PAK3: variants seen among roughly 807,000 people sequenced by gnomAD.
PAK3 encodes p21 (RAC1) activated kinase 3.
A neutral mutation model predicts 41.0 loss-of-function variants in PAK3; 4 were observed. That is an observed-to-expected ratio of 0.10 (90% CI 0.05 to 0.22). The LOEUF is 0.22. Among genes scored for constraint, PAK3 ranks in the 10% least tolerant of loss-of-function variants. The pLI is 1.00. For missense variants in PAK3, 205 were observed against 409.9 expected (o/e 0.50, Z 4.32); for synonymous variants, 146 against 139.6 (o/e 1.05, Z -0.32).
At chrX:111,217,173 C>A in intron 17 of PAK3, 1 of 318,790 alleles carries the variant, frequency 3.1e-6, no homozygotes, top group Non-Finnish European at 4.1e-6. Context: ...GCATTATTAT[C>A]CCATTTTATA....
intron 1 of PAK3, among the ~76,000 whole-genome samples, chrX:111,067,951 T>G (rs1029781690): frequency 1.8e-5 from 2 of 111,627 alleles, no homozygotes; most frequent in Non-Finnish European, 3.8e-5. Context: ...CATAAAATGT[T>G]TAGCCTTTCA....
chrX:111,044,698 A>T (rs187092272), intron 1 of PAK3, among the ~76,000 whole-genome samples: 25 of 112,397 alleles, frequency 2.2e-4, no homozygotes, highest in Admixed American at 2.2e-3. Context: ...CCTCAGGTGC[A>T]GCTTTAGAGA....
chrX:111,097,297 G>T (rs1422784161), intron 1 of PAK3, 93 bp from the exon 2 acceptor site: 2 of 106,759 alleles, frequency 1.9e-5, no homozygotes, highest in African/African-American at 6.9e-5. Flanking sequence ...GGGGTGGGGT[G>T]GGGTGGGGGA....
At chrX:110,950,227 T>TC (rs1046184263) in intron 1 of PAK3, among the ~76,000 whole-genome samples, 8 of 111,936 alleles carry the variant, frequency 7.1e-5, no homozygotes, top group Non-Finnish European at 9.4e-5. Context: ...CCAACACTGA[T>TC]CCCCCACCAT....
intron 6 of PAK3, among the ~76,000 whole-genome samples, chrX:111,142,886 G>A (rs2093891834): frequency 9.1e-6 from 1 of 110,467 alleles, no homozygotes; most frequent in South Asian, 3.8e-4. Flanking sequence ...TATAGATCAA[G>A]CCTTTTGCTG....
chrX:110,968,010 C>T (rs1229491650), intron 1 of PAK3, among the ~76,000 whole-genome samples: 1 of 112,431 alleles, frequency 8.9e-6, no homozygotes, highest in East Asian at 2.8e-4. Context: ...TTACCCTTGG[C>T]AACCACTAAT....
intron 1 of PAK3, among the ~76,000 whole-genome samples, chrX:110,990,643 T>TAA (rs374554182): frequency 3.0e-5 from 3 of 99,271 alleles, no homozygotes; most frequent in South Asian, 4.6e-4. Flanking sequence ...TGGCAGGAGT[T>TAA]AAAAAAAAAA....
chrX:111,028,739 C>T (rs1324285811), intron 1 of PAK3, among the ~76,000 whole-genome samples: 2 of 111,634 alleles, frequency 1.8e-5, no homozygotes, highest in African/African-American at 6.5e-5. Context: ...ATTTAATTTT[C>T]ACAACCACCT....
chrX:111,102,756 T>G (rs2093168674), intron 3 of PAK3, among the ~76,000 whole-genome samples: 1 of 112,044 alleles, frequency 8.9e-6, no homozygotes, highest in Non-Finnish European at 1.9e-5. Context: ...TCTGTCCTAT[T>G]TGATTTAGTT....
At chrX:111,085,718 A>G (rs760648533) in intron 1 of PAK3, among the ~76,000 whole-genome samples, 1 of 111,732 alleles carries the variant, frequency 8.9e-6, no homozygotes, top group African/African-American at 3.3e-5. Flanking sequence ...TGGTGTCTAC[A>G]TTTTCACCTC....
intron 8 of PAK3, among the ~76,000 whole-genome samples, chrX:111,155,128 T>A (rs1359040578): frequency 5.4e-5 from 6 of 111,583 alleles, no homozygotes; most frequent in Non-Finnish European, 1.9e-5. Flanking sequence ...ATTTACCAAC[T>A]GCCTCCTTAT....
At chrX:111,046,469 T>C (rs954088468) in intron 1 of PAK3, among the ~76,000 whole-genome samples, 3 of 111,792 alleles carry the variant, frequency 2.7e-5, no homozygotes, top group Non-Finnish European at 5.6e-5. Flanking sequence ...ATATACTTGT[T>C]GTGAGGATAC....
chrX:111,110,184 A>G (rs912584552), intron 4 of PAK3, among the ~76,000 whole-genome samples: 3 of 112,548 alleles, frequency 2.7e-5, no homozygotes, highest in Admixed American at 9.4e-5. Context: ...GTAAACATCT[A>G]TTGGTAGAAT....
At chrX:111,118,347 A>G (rs780948423) in intron 4 of PAK3, among the ~76,000 whole-genome samples, 18 of 111,550 alleles carry the variant, frequency 1.6e-4, no homozygotes, top group African/African-American at 5.9e-4. Flanking sequence ...CTGAAAGCTC[A>G]GCTAGCCATC....
chrX:111,080,612 A>G (rs1411335606), intron 1 of PAK3, among the ~76,000 whole-genome samples: 1 of 111,951 alleles, frequency 8.9e-6, no homozygotes, highest in African/African-American at 3.2e-5. Flanking sequence ...ATATCTCCAA[A>G]GTATACCTGT....
At chrX:111,142,463 T>C (rs778757146) in intron 6 of PAK3, among the ~76,000 whole-genome samples, 1 of 112,179 alleles carries the variant, frequency 8.9e-6, no homozygotes, top group Non-Finnish European at 1.9e-5. Context: ...GCACAGAAGA[T>C]GTACTCCTGG....
intron 1 of PAK3, among the ~76,000 whole-genome samples, chrX:110,986,283 C>A (rs186199796): frequency 8.9e-6 from 1 of 111,806 alleles, no homozygotes; most frequent in Admixed American, 9.5e-5. Context: ...CTCTACAGGG[C>A]TGAAACCTTA....
chrX:111,170,213 A>G lies in PAK3; in HGVS notation c.767-2805A>G, dbSNP rs111973282. Reference sequence around the variant, plus strand: ...ACGTGGTAAGTGAAAGTAAGAGTCAATGATGACTTGCAGATTTCTGACTCA... The same window carrying G: ...ACGTGGTAAGTGAAAGTAAGAGTCAGTGATGACTTGCAGATTTCTGACTCA... On this transcript the variant is annotated intron_variant, in intron 10 of 17. Coordinates refer to ENST00000372007, the MANE Select transcript of PAK3 (RefSeq NM_002578.5). 5.9e-3 allele frequency among the ~76,000 whole-genome samples: 654 copies of G among 111,656 alleles called. 7 individuals are homozygous for G. The highest frequency in any genetic ancestry group is 0.019 in the African/African-American group (590 of 30,698).
chrX:111,069,398 G>A (rs1432832192), intron 1 of PAK3, among the ~76,000 whole-genome samples: 1 of 111,656 alleles, frequency 9.0e-6, no homozygotes, highest in African/African-American at 3.3e-5. Flanking sequence ...AAGAGTTCTA[G>A]TTAGTTTTTC....
Sources: allele counts gnomAD v4.1 joint callset (sites outside exome capture counted in the v4.1 genomes callset), GRCh38; gene constraint gnomAD v4.1.1; transcripts MANE v1.5; gene names NCBI Gene and HGNC (gene_info 2026-07-23, HGNC 2026-07-21).